The following TNRC6B variants were observed in gnomAD, a reference collection of about 807,000 sequenced individuals.
TNRC6B encodes the protein trinucleotide repeat-containing gene 6B protein.
TNRC6B carries 52 observed loss-of-function variants against 203.6 expected under a neutral mutation model. The observed-to-expected ratio is 0.26, with a 90% CI of 0.20 to 0.32. The LOEUF is 0.32. TNRC6B is among the 10% of genes least tolerant of loss of function. TNRC6B has a pLI of 1.00. For synonymous variants in TNRC6B, 838 were observed against 845.7 expected (o/e 0.99, Z 0.16); for missense variants, 1,923 against 2,286.2 (o/e 0.84, Z 3.24).
chr22:40,057,011 C>G (rs1309993443), intron 1 of TNRC6B, among the ~76,000 whole-genome samples: 1 of 152,066 alleles, frequency 6.6e-6, no homozygotes. Flanking sequence ...GTCATGGGTT[C>G]TCATCTTGGA....
At chr22:40,124,290 C>G (rs564014525) in intron 2 of TNRC6B, among the ~76,000 whole-genome samples, 1 of 146,616 alleles carries the variant, frequency 6.8e-6, no homozygotes, top group African/African-American at 2.5e-5. Context: ...CTTGCACACA[C>G]AAAAAACATA....
intron 1 of TNRC6B, among the ~76,000 whole-genome samples, chr22:40,200,006 C>A (rs1344425505): frequency 6.6e-6 from 1 of 151,968 alleles, no homozygotes; most frequent in African/African-American, 2.4e-5. Flanking sequence ...ACCATGTTGG[C>A]CAGGCTGGTC....
At chr22:40,140,667 G>T (rs2068636836) in intron 3 of TNRC6B, among the ~76,000 whole-genome samples, 1 of 151,824 alleles carries the variant, frequency 6.6e-6, no homozygotes, top group Non-Finnish European at 1.5e-5. Context: ...TTTTGAGATG[G>T]GGTGTTGCTC....
chr22:40,315,594 C>T, intron 20 of TNRC6B, 87 bp downstream of exon 20: 1 of 1,397,758 alleles, frequency 7.2e-7, no homozygotes, highest in Non-Finnish European at 9.8e-7. Flanking sequence ...AAGAGGTCTT[C>T]CCAAGAGAGG....
At position 40,265,584 on chromosome 22, in the gene TNRC6B, G is replaced by A. The variant is rs1403513043; in HGVS notation, c.1354G>A (p.Glu452Lys). 6.2e-7 allele frequency: 1 copy of A among 1,613,800 alleles called. No homozygotes were observed. The highest frequency in any genetic ancestry group is 1.3e-5 in the African/African-American group (1 of 75,018). The change falls in exon 5 of 23, where the codon GAG becomes AAG. Residue 452 changes from glutamate to lysine, a missense_variant. Physicochemically the swap from Glu to Lys is moderately conservative, Grantham distance 56. Transcript: ENST00000454349. ...TGGAAACAATGGGAACAATGGAAAA[G>A]AGAGAGAGGACTCCTGGAAAGGAGC... is the stretch of plus-strand genomic sequence containing the variant. ...NSGNNGNNGK[E>K]REDSWKGASV...
intron 1 of TNRC6B, among the ~76,000 whole-genome samples, chr22:40,050,177 C>T (rs1355459378): frequency 6.6e-6 from 1 of 152,108 alleles, no homozygotes; most frequent in Non-Finnish European, 1.5e-5. Context: ...CCAAGCCAGC[C>T]CGGATCCAGC....
intron 1 of TNRC6B, among the ~76,000 whole-genome samples, chr22:40,188,261 AACCTTGTTCAC>A (rs1177823084): frequency 6.6e-6 from 1 of 152,168 alleles, no homozygotes; most frequent in Admixed American, 6.5e-5. Context: ...CTTGGAATCA[AACCTTGTTCAC>A]ACTGGAGAGA....
At chr22:40,313,473 G>A (rs1168002647) in intron 19 of TNRC6B, among the ~76,000 whole-genome samples, 1 of 152,122 alleles carries the variant, frequency 6.6e-6, no homozygotes, top group Non-Finnish European at 1.5e-5. Context: ...CCATCATTTG[G>A]TAAGTTCCTC....
At chr22:40,165,632 A>C (rs1418009232) in intron 4 of TNRC6B, among the ~76,000 whole-genome samples, 3 of 152,334 alleles carry the variant, frequency 2.0e-5, no homozygotes, top group African/African-American at 7.2e-5. Flanking sequence ...AAAGGAAAGA[A>C]GTTTAATTGA....
intron 1 of TNRC6B, among the ~76,000 whole-genome samples, chr22:40,229,887 C>G (rs1413018486): frequency 6.6e-6 from 1 of 152,120 alleles, no homozygotes; most frequent in Admixed American, 6.6e-5. Flanking sequence ...GGCATTTGCT[C>G]GTTTTCAGCT....
Position 40,308,534 on chromosome 22 carries a change from C to G in TNRC6B, c.4143C>G (p.Asp1381Glu), listed in dbSNP as rs747566145. 8.1e-6 allele frequency: 13 copies of G among 1,613,954 alleles called. No homozygotes were observed. In the South Asian group the frequency reaches 1.4e-4, roughly 18 times the overall value. The change falls in exon 16 of 23, where the codon GAC becomes GAG. Residue 1381 changes from aspartate (D) to glutamate (E), a missense_variant. Asp to Glu is a conservative substitution (Grantham distance 45). Coordinates refer to ENST00000454349, the MANE Select transcript of TNRC6B (RefSeq NM_001162501.2). ...TAGGCTTCAGCTCTGGCGGCATGGA[C>G]TATGGCATGGTTGGTGGGAAGGAGG... ...YGSGFSSGGM[D>E]YGMVGGKEAG... is the part of the protein sequence containing the mutation.
rs1275303524 is a variant in TNRC6B, at chr22:40,331,866, G to C, written c.*8625G>C. The C allele has an allele frequency of 5.8e-6, 2 of 347,772 alleles. No homozygotes were observed. Among genetic ancestry groups the C allele is most frequent in the Non-Finnish European group, 1.0e-5 (2 of 192,206 alleles). The allele number at this position is 347,772 out of a possible 1,614,324, so 21.5% of individuals were successfully genotyped here. On this transcript the variant is annotated 3_prime_UTR_variant, in exon 23 of 23. Coordinates refer to ENST00000454349, the MANE Select transcript of TNRC6B (RefSeq NM_001162501.2). ...GGGAAGGGGAGTGAGAGACGAATGT[G>C]GTAAGGTCAGCACAGTGAGATAGAG...
upstream of TNRC6B, among the ~76,000 whole-genome samples, chr22:40,173,678 T>A (rs2069025688): frequency 6.7e-6 from 1 of 149,078 alleles, no homozygotes; most frequent in African/African-American, 2.5e-5. Flanking sequence ...CCTCCCAAAG[T>A]GCTGGGATTA....
chr22:40,107,905 T>C (rs2068300313), intron 1 of TNRC6B, among the ~76,000 whole-genome samples: 1 of 150,576 alleles, frequency 6.6e-6, no homozygotes, highest in African/African-American at 2.5e-5. Flanking sequence ...AGAAAATGTT[T>C]TCAGTTTATG....
chr22:40,246,126 T>C, intron 2 of TNRC6B, 24 bp downstream of exon 2: 1 of 1,501,186 alleles, frequency 6.7e-7, no homozygotes, highest in Non-Finnish European at 9.0e-7. Context: ...GTTAAGTCTG[T>C]CTTTTTATCT....
chr22:40,177,793 A>G (rs1422189071), upstream of TNRC6B: 10 of 1,252,562 alleles, frequency 8.0e-6, no homozygotes, highest in Middle Eastern at 3.0e-4. Context: ...CACAAATGAA[A>G]GTGAGTGGAA....
At chr22:40,158,094 T>C (rs1003299415) in intron 4 of TNRC6B, among the ~76,000 whole-genome samples, 2 of 152,062 alleles carry the variant, frequency 1.3e-5, no homozygotes, top group African/African-American at 2.4e-5. Flanking sequence ...TCCCAGCACT[T>C]TGGGAGGCCA....
At chr22:40,225,084 G>C (rs1244742424) in intron 1 of TNRC6B, among the ~76,000 whole-genome samples, 1 of 152,188 alleles carries the variant, frequency 6.6e-6, no homozygotes, top group Non-Finnish European at 1.5e-5. Context: ...ATTTGCCCAA[G>C]CTCCTACCAT....
chr22:40,259,862 G>T (rs1049102132), intron 3 of TNRC6B, among the ~76,000 whole-genome samples: 1 of 152,242 alleles, frequency 6.6e-6, no homozygotes, highest in Non-Finnish European at 1.5e-5. Flanking sequence ...TACCCTGGGA[G>T]GCAGGGATTT....
Sources: allele counts gnomAD v4.1 joint callset (sites outside exome capture counted in the v4.1 genomes callset), GRCh38; gene constraint gnomAD v4.1.1; transcripts MANE v1.5; gene names NCBI Gene and HGNC (gene_info 2026-07-23, HGNC 2026-07-21).